The following MYT1L variants were observed in gnomAD, a reference collection of about 807,000 sequenced individuals.
MYT1L encodes myelin transcription factor 1-like protein.
A neutral mutation model predicts 126.7 loss-of-function variants in MYT1L; 12 were observed. That is an observed-to-expected ratio of 0.09 (90% CI 0.06 to 0.15). The LOEUF is 0.15. Ranked by LOEUF, MYT1L falls within the 10% of genes least tolerant of loss-of-function variation. MYT1L has a pLI of 1.00. For missense variants in MYT1L, 979 were observed against 1,585.2 expected, an observed-to-expected ratio of 0.62 and a Z score of 6.49; for synonymous variants, 541 against 604.2, an observed-to-expected ratio of 0.90 and a Z score of 1.53.
intron 1 of MYT1L, among the ~76,000 whole-genome samples, chr2:2,315,462 T>C (rs2096050233): frequency 6.6e-6 from 1 of 152,200 alleles, no homozygotes; most frequent in Non-Finnish European, 1.5e-5. Flanking sequence ...TATGTTTACT[T>C]ATTTTATGAT....
chr2:2,218,331 T>C (rs1262983492), intron 2 of MYT1L, among the ~76,000 whole-genome samples: 1 of 152,190 alleles, frequency 6.6e-6, no homozygotes, highest in East Asian at 1.9e-4. Flanking sequence ...CCATCAACAG[T>C]TGATTGATAA....
At chr2:2,237,364 A>C (rs1177142009) in intron 2 of MYT1L, among the ~76,000 whole-genome samples, 2 of 152,128 alleles carry the variant, frequency 1.3e-5, no homozygotes, top group African/African-American at 4.8e-5. Context: ...AGCCAAGTTG[A>C]AACCAGGGCA....
chr2:2,097,448 A>G (rs977952201), intron 3 of MYT1L, among the ~76,000 whole-genome samples: 1 of 152,146 alleles, frequency 6.6e-6, no homozygotes, highest in Non-Finnish European at 1.5e-5. Flanking sequence ...AGTAGAGGCC[A>G]GGCTTCTGCA....
intron 5 of MYT1L, among the ~76,000 whole-genome samples, chr2:1,982,929 G>A (rs1321092808): frequency 6.6e-6 from 1 of 152,128 alleles, no homozygotes; most frequent in Non-Finnish European, 1.5e-5. Context: ...AGAAAAACTT[G>A]GCCTTATTAG....
At chr2:2,200,067 C>A (rs2092995148) in intron 2 of MYT1L, among the ~76,000 whole-genome samples, 1 of 152,096 alleles carries the variant, frequency 6.6e-6, no homozygotes, top group Non-Finnish European at 1.5e-5. Flanking sequence ...AAATGCATGT[C>A]TATAAATACG....
intron 10 of MYT1L, among the ~76,000 whole-genome samples, chr2:1,921,775 G>A (rs188495178): frequency 6.0e-4 from 91 of 152,226 alleles, no homozygotes; most frequent in Admixed American, 2.7e-3. Context: ...TTCAGTTACT[G>A]TTCAATTTCT....
At chr2:1,808,465 G>T (rs549909866) in intron 22 of MYT1L, among the ~76,000 whole-genome samples, 2 of 152,266 alleles carry the variant, frequency 1.3e-5, no homozygotes, top group Non-Finnish European at 2.9e-5. Context: ...AGGTGACCTC[G>T]CAAATAGAGT....
intron 3 of MYT1L, among the ~76,000 whole-genome samples, chr2:2,112,788 T>C (rs370803977): frequency 7.2e-5 from 11 of 152,302 alleles, no homozygotes; most frequent in African/African-American, 2.4e-4. Context: ...CCAGTCTGTG[T>C]TGAGGAAAAC....
chr2:1,926,153 C>T (rs895330309), intron 9 of MYT1L, among the ~76,000 whole-genome samples: 3 of 152,100 alleles, frequency 2.0e-5, no homozygotes, highest in Admixed American at 1.3e-4. Context: ...GTGAAGATGG[C>T]GTGGGTGGCC....
chr2:1,886,386 C>T (rs762530908), intron 18 of MYT1L, 153 bp downstream of exon 18: 7 of 485,418 alleles, frequency 1.4e-5, no homozygotes, highest in Admixed American at 4.3e-5. Flanking sequence ...GCTGAAATTC[C>T]GAGGATTCAA....
intron 3 of MYT1L, among the ~76,000 whole-genome samples, chr2:2,113,511 C>T (rs2147779967): frequency 6.6e-6 from 1 of 152,306 alleles, no homozygotes; most frequent in Admixed American, 6.5e-5. Context: ...CAGGGATTTC[C>T]ACGTGGAAAT....
At chr2:2,006,037 G>C (rs540854544) in intron 4 of MYT1L, among the ~76,000 whole-genome samples, 3 of 125,326 alleles carry the variant, frequency 2.4e-5, no homozygotes, top group East Asian at 4.8e-4. Flanking sequence ...CTTTCCTGCA[G>C]GTGTTCTTTC....
Position 2,059,225 on chromosome 2 carries a change from A to G in MYT1L, c.-303-5102T>C, listed in dbSNP as rs150267189. Among the ~76,000 whole-genome samples, 1,962 of 152,328 alleles carry G rather than the reference A, an allele frequency of 0.013. 40 individuals carry two copies. The highest frequency in any genetic ancestry group is 0.045 in the African/African-American group (1,884 of 41,568). On this transcript the variant is annotated intron_variant, in intron 3 of 24. Transcript: ENST00000647738. This position sits in a 1 kb window ranked among gnomAD's most constrained non-coding sequence, Gnocchi z 4.7. ...GGGCCTGCAGTGGCCATAGCATCCC[A>G]GCTTCTTACTCTGGGTGAGGGCATC...
chr2:1,883,591 G>C (rs1429487426), intron 18 of MYT1L, among the ~76,000 whole-genome samples: 2 of 152,130 alleles, frequency 1.3e-5, no homozygotes, highest in African/African-American at 4.8e-5. Context: ...TTTTTGGCCT[G>C]TGGTCTCAGT....
chr2:1,892,711 C>T (rs2049071300), intron 14 of MYT1L, among the ~76,000 whole-genome samples: 1 of 152,094 alleles, frequency 6.6e-6, no homozygotes, highest in African/African-American at 2.4e-5. Flanking sequence ...AGTGGGGCTC[C>T]TCCGCAGCAC....
At chr2:2,104,585 G>C (rs1180891845) in intron 3 of MYT1L, among the ~76,000 whole-genome samples, 3 of 152,250 alleles carry the variant, frequency 2.0e-5, no homozygotes, top group African/African-American at 7.2e-5. Flanking sequence ...CCAGGGGCCA[G>C]AGAGGCATCC....
Position 2,046,578 on chromosome 2 carries a change from G to C in MYT1L, c.-158+7400C>G, listed in dbSNP as rs771631126. Among the ~76,000 whole-genome samples, 33 of 152,310 alleles carry C rather than the reference G, an allele frequency of 2.2e-4. No individual in the cohort carries two copies. The Middle Eastern group carries it at 0.01, about 47-fold the overall frequency. ...CACAACTGTCTTAGGTATAAATACTGTGATTATTCCTGGCATACAGAAAAG... is the reference window on the plus strand; with the variant it reads ...CACAACTGTCTTAGGTATAAATACTCTGATTATTCCTGGCATACAGAAAAG... On this transcript the variant is annotated intron_variant, in intron 4 of 24. Transcript: ENST00000647738.
intron 2 of MYT1L, among the ~76,000 whole-genome samples, chr2:2,210,113 G>T (rs1331754163): frequency 6.6e-6 from 1 of 152,116 alleles, no homozygotes; most frequent in African/African-American, 2.4e-5. Context: ...CGTCCATTCA[G>T]ATCTTTTGTC....
At chr2:2,183,136 G>T (rs1470754521) in intron 2 of MYT1L, among the ~76,000 whole-genome samples, 2 of 152,290 alleles carry the variant, frequency 1.3e-5, no homozygotes, top group East Asian at 3.9e-4. Flanking sequence ...GGAGGGAAGG[G>T]TGTGTTTGGA....
Sources: gnomAD v4.1 joint callset for allele counts (sites outside exome capture counted in the v4.1 genomes callset) on GRCh38, gnomAD v4.1.1 for gene constraint, Gnocchi (gnomAD v3.1) non-coding constraint, MANE v1.5 for transcripts, NCBI Gene and HGNC (gene_info 2026-07-23, HGNC 2026-07-21) for gene names.